The following ATP2A2 variants were observed in gnomAD, a reference collection of about 807,000 sequenced individuals.
ATP2A2 encodes the protein ATPase sarcoplasmic/endoplasmic reticulum Ca2+ transporting 2, also known as sarcoplasmic/endoplasmic reticulum calcium ATPase 2.
A neutral mutation model predicts 109.3 loss-of-function variants in ATP2A2; 14 were observed. That is an observed-to-expected ratio of 0.13 (90% CI 0.08 to 0.20). ATP2A2 has a LOEUF of 0.20. Among genes scored for constraint, ATP2A2 ranks in the 10% least tolerant of loss-of-function variants. The pLI is 1.00. For synonymous variants in ATP2A2, 506 were observed against 490.9 expected, an observed-to-expected ratio of 1.03 and a Z score of -0.41; for missense variants, 657 against 1,321.6, an observed-to-expected ratio of 0.50 and a Z score of 7.80.
chr12:110,350,429 C>A lies in ATP2A2; in HGVS notation c.*3959C>A, dbSNP rs1320543990. On this transcript the variant is annotated 3_prime_UTR_variant, in exon 20 of 20. Coordinates refer to ENST00000539276, the MANE Select transcript of ATP2A2 (RefSeq NM_170665.4). The stretch of plus-strand genomic sequence containing the variant: ...GGGGAAAAAGAAAAGTAAAAAACTT[C>A]CCAACTCACTTTGTGTTATGTGGAG... The A allele has an allele frequency of 3.3e-6, 5 of 1,501,210 alleles. No homozygotes were observed. The highest frequency in any genetic ancestry group is 3.7e-6 in the Non-Finnish European group (4 of 1,082,094). The allele number at this position is 1,501,210 out of a possible 1,614,324, so 93.0% of individuals were successfully genotyped here.
intron 5 of ATP2A2, among the ~76,000 whole-genome samples, chr12:110,312,963 A>AAT (rs1876252589): frequency 6.6e-6 from 1 of 152,186 alleles, no homozygotes; most frequent in African/African-American, 2.4e-5. Context: ...ATTACTCTAG[A>AAT]AAACGGATAA....
intron 10 of ATP2A2, 136 bp from the exon 11 acceptor site, chr12:110,333,876 T>G: frequency 9.0e-7 from 1 of 1,107,774 alleles, no homozygotes; most frequent in African/African-American, 1.6e-5. Context: ...GTCACCTGTT[T>G]CAGAGGAGGA....
At position 110,342,887 on chromosome 12, in the gene ATP2A2, C is replaced by T. The variant is rs1004945691; in HGVS notation, c.2319-345C>T. Among the ~76,000 whole-genome samples the T allele has an allele frequency of 5.3e-5, 8 of 152,166 alleles. No individual in the cohort carries two copies. The highest frequency in any genetic ancestry group is 1.9e-4 in the African/African-American group (8 of 41,514). On this transcript the variant is annotated intron_variant, in intron 15 of 19. Coordinates refer to ENST00000539276, the MANE Select transcript of ATP2A2 (RefSeq NM_170665.4). The surrounding 1 kb of genome is among the most constrained non-coding windows in gnomAD (Gnocchi z 4.6). ...CCGAACAGCTGGGATTACAGGCATG[C>T]GCCACCACTCCCTGCCATTTTTTTG... is the stretch of plus-strand genomic sequence containing the variant.
At chr12:110,333,783 A>G (rs528185241) in intron 10 of ATP2A2, among the ~76,000 whole-genome samples, 19 of 152,312 alleles carry the variant, frequency 1.2e-4, no homozygotes, top group African/African-American at 4.3e-4. Flanking sequence ...ATGTCATCTT[A>G]TATTTAAGGG....
chr12:110,340,658 G>C lies in ATP2A2; in HGVS notation c.1762-1G>C. The C allele has an allele frequency of 6.2e-7, 1 of 1,614,056 alleles. No individual in the cohort carries two copies. The highest frequency in any genetic ancestry group is 8.5e-7 in the Non-Finnish European group (1 of 1,180,012). On this transcript the variant is annotated splice_acceptor_variant, in intron 13 of 19. Transcript: ENST00000539276. LOFTEE classifies it high-confidence loss of function. This position sits in a 1 kb window ranked among gnomAD's most constrained non-coding sequence, Gnocchi z 6.0. ...TATTTAAAGTGATGCTCTTATTTTA[G>C]ACCAATCTGACCTTCGTTGGCTGCG...
At position 110,350,483 on chromosome 12, in the gene ATP2A2, G is replaced by A. The variant is rs1456820250; in HGVS notation, c.*4013G>A. The A allele has an allele frequency of 2.1e-6, 2 of 955,770 alleles. No homozygotes were observed. Among genetic ancestry groups the A allele is most frequent in the Non-Finnish European group, 3.2e-6 (2 of 630,678 alleles). 59.2% of individuals were successfully genotyped at this position (955,770 alleles called of 1,614,324 possible). On this transcript the variant is annotated 3_prime_UTR_variant, in exon 20 of 20. Transcript: ENST00000539276. Reference sequence around the variant, plus strand: ...ATGTGTATTACCAATGGGGTTGTTAGCTTTTAAATCAAAATACTGATTACA... The same window carrying A: ...ATGTGTATTACCAATGGGGTTGTTAACTTTTAAATCAAAATACTGATTACA...
chr12:110,329,505 C>T (rs758089337), intron 8 of ATP2A2: 1 of 152,278 alleles, frequency 6.6e-6, no homozygotes. Context: ...CAACCTCCGC[C>T]TTCTGGGTTC....
intron 9 of ATP2A2, 144 bp from the exon 10 acceptor site, chr12:110,333,037 G>A: frequency 1.3e-6 from 1 of 761,224 alleles, no homozygotes; most frequent in Non-Finnish European, 2.3e-6. Flanking sequence ...TATTGGCTCT[G>A]GCATCAAATT....
chr12:110,300,116 TCCCTCCCCTC>T (rs373588693), intron 5 of ATP2A2, among the ~76,000 whole-genome samples: 103 of 103,342 alleles, frequency 1.0e-3, no homozygotes, highest in East Asian at 2.1e-3. Flanking sequence ...CCTCCCCCTT[TCCCTCCCCTC>T]CCCTCCCCTC....
chr12:110,342,100 T>C lies in ATP2A2; in HGVS notation c.2098-128T>C. The C allele has an allele frequency of 9.3e-7, 1 of 1,070,534 alleles. No homozygotes were observed. The highest frequency in any genetic ancestry group is 1.4e-6 in the Non-Finnish European group (1 of 708,486). 66.3% of individuals were successfully genotyped at this position (1,070,534 alleles called of 1,614,324 possible). A position where few individuals can be genotyped will look rare whatever the true frequency, so the allele number is the denominator to read the frequency against. On this transcript the variant is annotated intron_variant, in intron 14 of 19. Transcript: ENST00000539276. This position sits in a 1 kb window ranked among gnomAD's most constrained non-coding sequence, Gnocchi z 4.6. ...ACACCAACTTATGAAACAAAAATTC[T>C]AAAACTCTTTGCCAAGAGACCTACG...
At chr12:110,345,421 G>GACT in intron 18 of ATP2A2, 39 bp downstream of exon 18, 1 of 1,613,554 alleles carries the variant, frequency 6.2e-7, no homozygotes, top group African/African-American at 1.3e-5. Flanking sequence ...CGAGCATGGT[G>GACT]ACTGCCAGGG....
intron 5 of ATP2A2, among the ~76,000 whole-genome samples, chr12:110,304,666 T>C (rs1367700083): frequency 6.6e-6 from 1 of 152,200 alleles, no homozygotes; most frequent in Admixed American, 6.5e-5. Context: ...CCTTATGAGG[T>C]GTGATTAGCA....
rs961930240 is a variant in ATP2A2, at chr12:110,346,776, T to C, written c.*306T>C. ...ACTCATCCTTGTATAAAAAAAATAG[T>C]TGAGCCAGCAGACATTGTCAGCAAA... On this transcript the variant is annotated 3_prime_UTR_variant, in exon 20 of 20. Coordinates refer to ENST00000539276, the MANE Select transcript of ATP2A2 (RefSeq NM_170665.4). 24 of 1,181,582 alleles carry C rather than the reference T, an allele frequency of 2.0e-5. No homozygotes were observed. The Admixed American group carries it at 2.7e-4, about 13-fold the overall frequency. The allele number at this position is 1,181,582 out of a possible 1,614,324, so 73.2% of individuals were successfully genotyped here.
rs776253924 is a variant in ATP2A2 at position 110,348,582 on chromosome 12, C to T, written c.*2112C>T. ...GAGACCGACTCTTAAAAGCACAGTC[C>T]GTGGTTGGGTGTGGTGGCTCATGCC... On this transcript the variant is annotated 3_prime_UTR_variant, in exon 20 of 20. Transcript: ENST00000539276. 47 of 985,402 alleles carry T rather than the reference C, an allele frequency of 4.8e-5. 1 individual carries two copies. Among genetic ancestry groups the T allele is most frequent in the Middle Eastern group, 5.2e-4 (1 of 1,922 alleles). 61.0% of individuals were successfully genotyped at this position (985,402 alleles called of 1,614,324 possible). A position where few individuals can be genotyped will look rare whatever the true frequency, so the allele number is the denominator to read the frequency against.
intron 3 of ATP2A2, among the ~76,000 whole-genome samples, chr12:110,283,863 T>C (rs1406888970): frequency 6.6e-6 from 1 of 152,192 alleles, no homozygotes; most frequent in Non-Finnish European, 1.5e-5. Context: ...TAGAGGGCTA[T>C]TTTGAGAACG....
At chr12:110,328,981 T>C (rs1416629704) in intron 8 of ATP2A2, among the ~76,000 whole-genome samples, 2 of 152,242 alleles carry the variant, frequency 1.3e-5, no homozygotes, top group African/African-American at 2.4e-5. Context: ...TTCTATCACA[T>C]GTTGAATGAA....
In ATP2A2 at chr12:110,349,022, C is replaced by CTAGT. The variant is rs374666501; in HGVS notation, c.*2556_*2559dup. The CTAGT allele has an allele frequency of 2.6e-4, 261 of 985,426 alleles. 1 individual carries two copies. The African/African-American group carries it at 4.4e-3, about 17-fold the overall frequency. 61.0% of individuals were successfully genotyped at this position (985,426 alleles called of 1,614,324 possible). A position where few individuals can be genotyped will look rare whatever the true frequency, so the allele number is the denominator to read the frequency against. ...TGTGTGGCCTGCTGTCGCACAGCCC[C>CTAGT]TAGTTAGCTTCATGGTTTCTCAGCT... is the stretch of plus-strand genomic sequence containing the variant. On this transcript the variant is annotated 3_prime_UTR_variant, in exon 20 of 20. Coordinates refer to ENST00000539276, the MANE Select transcript of ATP2A2 (RefSeq NM_170665.4).
intron 3 of ATP2A2, among the ~76,000 whole-genome samples, chr12:110,283,491 G>T (rs1184469025): frequency 6.6e-6 from 1 of 152,186 alleles, no homozygotes; most frequent in African/African-American, 2.4e-5. Context: ...CTAGTGAAAT[G>T]CAAAGAACTA....
intron 4 of ATP2A2, chr12:110,296,314 G>A (rs973480950): frequency 1.5e-5 from 6 of 406,760 alleles, no homozygotes; most frequent in African/African-American, 1.2e-4. Context: ...TTTGGCTAAA[G>A]GTGAAAGCTG....
Sources: allele counts gnomAD v4.1 joint callset (sites outside exome capture counted in the v4.1 genomes callset), GRCh38; gene constraint gnomAD v4.1.1; non-coding constraint Gnocchi (gnomAD v3.1); transcripts MANE v1.5; gene names NCBI Gene and HGNC (gene_info 2026-07-23, HGNC 2026-07-21).